Variants in CPA6 observed in about 807,000 individuals in gnomAD.
CPA6 encodes carboxypeptidase A6.
In CPA6, 58 loss-of-function variants were observed where a neutral mutation model predicts 63.3. The ratio of observed to expected loss-of-function variants is 0.92; its 90% CI spans 0.74 to 1.14. The LOEUF is 1.14. Ranked by LOEUF, CPA6 falls within the 50% of genes most tolerant of loss-of-function variation. CPA6 has a pLI of 0.00. For synonymous variants in CPA6, 185 were observed against 179.0 expected (o/e 1.03, Z -0.27); for missense variants, 565 against 526.6 (o/e 1.07, Z -0.71).
intron 2 of CPA6, among the ~76,000 whole-genome samples, chr8:67,607,632 C>A (rs1814700688): frequency 6.6e-6 from 1 of 152,112 alleles, no homozygotes; most frequent in Non-Finnish European, 1.5e-5. Flanking sequence ...ACACTAACAT[C>A]CCAGGTATTT....
chr8:67,614,110 C>T (rs560409671), intron 2 of CPA6, among the ~76,000 whole-genome samples: 1 of 152,332 alleles, frequency 6.6e-6, no homozygotes, highest in Non-Finnish European at 1.5e-5. Context: ...CACTGGCCCT[C>T]TGCCCTTGTG....
intron 9 of CPA6, among the ~76,000 whole-genome samples, chr8:67,432,919 T>C (rs145778142): frequency 1.6e-3 from 241 of 152,338 alleles, no homozygotes; most frequent in African/African-American, 5.4e-3. Flanking sequence ...GGGAACCCCC[T>C]ACTTGCTACT....
intron 1 of CPA6, among the ~76,000 whole-genome samples, chr8:67,684,023 ATATATAT>A (rs1816654311): frequency 6.9e-6 from 1 of 144,478 alleles, no homozygotes; most frequent in African/African-American, 2.5e-5. Context: ...ATATATATAT[ATATATAT>A]AATTTTTATT....
chr8:67,602,161 A>G (rs1814512878), intron 2 of CPA6, among the ~76,000 whole-genome samples: 1 of 152,178 alleles, frequency 6.6e-6, no homozygotes, highest in Admixed American at 6.5e-5. Context: ...ATATCTATAG[A>G]TACACATTAA....
chr8:67,696,882 TG>T, intron 1 of CPA6, among the ~76,000 whole-genome samples: 1 of 152,326 alleles, frequency 6.6e-6, no homozygotes, highest in South Asian at 2.1e-4. Flanking sequence ...TGATACTTTA[TG>T]GGGTCATGGA....
chr8:67,576,772 C>T (rs1268686653), intron 2 of CPA6, among the ~76,000 whole-genome samples: 1 of 152,116 alleles, frequency 6.6e-6, no homozygotes, highest in African/African-American at 2.4e-5. Flanking sequence ...TACAATGTTT[C>T]CCCCAACATA....
intron 1 of CPA6, among the ~76,000 whole-genome samples, chr8:67,734,592 G>A (rs1184911407): frequency 2.0e-5 from 3 of 152,134 alleles, no homozygotes; most frequent in African/African-American, 4.8e-5. Flanking sequence ...CCTGTAAGTC[G>A]AGGGCTTAGA....
intron 2 of CPA6, among the ~76,000 whole-genome samples, chr8:67,527,876 A>G (rs1812397243): frequency 6.6e-6 from 1 of 152,224 alleles, no homozygotes; most frequent in Admixed American, 6.5e-5. Flanking sequence ...CTGATGTGAA[A>G]AGCCAGTGAA....
intron 2 of CPA6, among the ~76,000 whole-genome samples, chr8:67,614,595 C>T (rs1056419727): frequency 1.4e-4 from 21 of 152,308 alleles, no homozygotes; most frequent in Non-Finnish European, 1.8e-4. Flanking sequence ...AAGTCATTAA[C>T]GTATCATTAT....
intron 6 of CPA6, among the ~76,000 whole-genome samples, chr8:67,492,120 T>C (rs1391263361): frequency 6.6e-6 from 1 of 152,148 alleles, no homozygotes; most frequent in Non-Finnish European, 1.5e-5. Context: ...AACCCAAATA[T>C]AAATGGAGCT....
chr8:67,745,554 A>T (rs1384768244), intron 1 of CPA6, among the ~76,000 whole-genome samples: 1 of 151,716 alleles, frequency 6.6e-6, no homozygotes, highest in East Asian at 1.9e-4. Context: ...TCTAATAACC[A>T]CTCTACAGAC....
chr8:67,621,081 G>A (rs1241827910), intron 2 of CPA6, among the ~76,000 whole-genome samples: 5 of 152,178 alleles, frequency 3.3e-5, no homozygotes, highest in African/African-American at 1.2e-4. Context: ...CAGGCATTGA[G>A]TCTTTAATGA....
intron 8 of CPA6, among the ~76,000 whole-genome samples, chr8:67,473,885 G>C (rs1334735553): frequency 6.6e-6 from 1 of 152,086 alleles, no homozygotes; most frequent in Non-Finnish European, 1.5e-5. Context: ...GGGATTACGG[G>C]CTTGAGCCAC....
intron 8 of CPA6, among the ~76,000 whole-genome samples, chr8:67,468,664 G>A (rs1046160750): frequency 6.6e-6 from 1 of 151,628 alleles, no homozygotes; most frequent in Admixed American, 6.6e-5. Flanking sequence ...TGCCCTGTAA[G>A]TGGGCAATAA....
intron 6 of CPA6, among the ~76,000 whole-genome samples, chr8:67,493,930 A>G (rs1190087579): frequency 6.6e-6 from 1 of 152,084 alleles, no homozygotes; most frequent in African/African-American, 2.4e-5. Context: ...CCCTTGCTTT[A>G]TCTTTGGTCT....
At chr8:67,450,482 G>C (rs1196093557) in intron 8 of CPA6, among the ~76,000 whole-genome samples, 1 of 152,170 alleles carries the variant, frequency 6.6e-6, no homozygotes, top group East Asian at 1.9e-4. Flanking sequence ...CTGAAGTCTA[G>C]AGACTTATGT....
chr8:67,687,357 T>C (rs1386462737), intron 1 of CPA6, among the ~76,000 whole-genome samples: 1 of 152,128 alleles, frequency 6.6e-6, no homozygotes, highest in Non-Finnish European at 1.5e-5. Flanking sequence ...GTTTTCTGAA[T>C]TGTGTGGAGT....
At chr8:67,645,863 T>C (rs764030667) in intron 1 of CPA6, among the ~76,000 whole-genome samples, 3 of 152,210 alleles carry the variant, frequency 2.0e-5, no homozygotes, top group Non-Finnish European at 4.4e-5. Context: ...ACCACTTTCT[T>C]AGCTGTCTGT....
chr8:67,510,366 C>G (rs894957701), intron 4 of CPA6, among the ~76,000 whole-genome samples: 3 of 151,752 alleles, frequency 2.0e-5, no homozygotes, highest in Non-Finnish European at 2.9e-5. Flanking sequence ...CCCATATATT[C>G]TTTTCTTTCT....
Sources: gnomAD v4.1 joint callset for allele counts (sites outside exome capture counted in the v4.1 genomes callset) on GRCh38, gnomAD v4.1.1 for gene constraint, MANE v1.5 for transcripts, NCBI Gene and HGNC (gene_info 2026-07-23, HGNC 2026-07-21) for gene names.